The following KIF1A variants were observed in gnomAD, a reference collection of about 807,000 sequenced individuals.
The protein encoded by KIF1A is kinesin family member 1A.
KIF1A carries 46 observed loss-of-function variants against 227.3 expected under a neutral mutation model. The ratio of observed to expected loss-of-function variants is 0.20; its 90% CI spans 0.16 to 0.26. KIF1A has a LOEUF of 0.26. Among genes scored for constraint, KIF1A ranks in the 10% least tolerant of loss-of-function variants. The pLI is 1.00. For missense variants in KIF1A, 1,683 were observed against 2,485.9 expected (o/e 0.68, Z 6.87); for synonymous variants, 1,022 against 1,012.8 (o/e 1.01, Z -0.17).
chr2:240,739,679 G>A lies in KIF1A; in HGVS notation c.3901+379C>T, dbSNP rs956035390. On this transcript the variant is annotated intron_variant, in intron 37 of 48. Transcript: ENST00000498729. This position sits in a 1 kb window ranked among gnomAD's most constrained non-coding sequence, Gnocchi z 5.6. ...TGGCCACCACCAGGAGCTGGAAGAG[G>A]CAGGGAGGGATTTTCCCCAACAGGT... 2.0e-5 allele frequency among the ~76,000 whole-genome samples: 3 copies of A among 152,196 alleles called. No homozygotes were observed. The highest frequency in any genetic ancestry group is 7.2e-5 in the African/African-American group (3 of 41,444).
chr2:240,807,112 G>A (rs112846028), intron 1 of KIF1A, among the ~76,000 whole-genome samples: 54,848 of 138,844 alleles, frequency 0.4, 11,542 homozygotes, highest in African/African-American at 0.56. Context: ...GTGTGTGTGT[G>A]TGTGTGTGTG....
At chr2:240,802,601 C>A (rs1052560724) in intron 1 of KIF1A, among the ~76,000 whole-genome samples, 4 of 152,234 alleles carry the variant, frequency 2.6e-5, no homozygotes, top group African/African-American at 9.6e-5. Flanking sequence ...TTCTATCAGC[C>A]ACTGAGGAGG....
At chr2:240,723,686 G>T in intron 41 of KIF1A, 128 bp from the exon 42 acceptor site, 1 of 1,142,422 alleles carries the variant, frequency 8.8e-7, no homozygotes, top group Non-Finnish European at 1.2e-6. Flanking sequence ...CCTGGTCCTT[G>T]GTCCACCCTG....
intron 10 of KIF1A, among the ~76,000 whole-genome samples, chr2:240,776,861 T>A (rs1226551748): frequency 6.6e-6 from 1 of 152,192 alleles, no homozygotes; most frequent in Non-Finnish European, 1.5e-5. Context: ...ACAAGGCACA[T>A]AAAATTTGAA....
chr2:240,783,347 T>A (rs529372969), intron 8 of KIF1A, among the ~76,000 whole-genome samples: 195 of 152,198 alleles, frequency 1.3e-3, no homozygotes, highest in African/African-American at 4.3e-3. Context: ...TCATCCCATG[T>A]CCCCCTGAAA....
chr2:240,756,727 C>T (rs1394606438), intron 27 of KIF1A, among the ~76,000 whole-genome samples: 1 of 152,202 alleles, frequency 6.6e-6, no homozygotes, highest in Non-Finnish European at 1.5e-5. Flanking sequence ...TAAAAGTGGC[C>T]TCAGGATGGC....
At chr2:240,722,347 C>T in intron 43 of KIF1A, 109 bp downstream of exon 43, 1 of 1,063,208 alleles carries the variant, frequency 9.4e-7, no homozygotes, top group South Asian at 1.5e-5. Context: ...CCTGGTGGTG[C>T]TAACCAGAGC....
chr2:240,807,078 ATGTGTGTGTGTG>A (rs67918205), intron 1 of KIF1A, among the ~76,000 whole-genome samples: 56 of 95,240 alleles, frequency 5.9e-4, no homozygotes, highest in South Asian at 2.8e-3. Flanking sequence ...CCTCATATAT[ATGTGTGTGTGTG>A]TGTGTGTGTG....
chr2:240,766,784 CA>C lies in KIF1A; in HGVS notation c.1684+130del. On this transcript the variant is annotated intron_variant, in intron 19 of 48. Coordinates refer to ENST00000498729, the MANE Select transcript of KIF1A (RefSeq NM_001244008.2). The surrounding 1 kb of genome is among the most constrained non-coding windows in gnomAD (Gnocchi z 5.0). ...ACACACACACACACACACACACACACACGTCCTGCCTAGAAGTATGACTCGC... is the reference window on the plus strand; with the variant it reads ...ACACACACACACACACACACACACACCGTCCTGCCTAGAAGTATGACTCGC... The C allele has an allele frequency of 1.6e-6, 1 of 631,366 alleles. No homozygotes were observed. The highest frequency in any genetic ancestry group is 2.9e-6 in the Non-Finnish European group (1 of 346,908). 39.1% of individuals were successfully genotyped at this position (631,366 alleles called of 1,614,324 possible). A position where few individuals can be genotyped will look rare whatever the true frequency, so the allele number is the denominator to read the frequency against.
chr2:240,757,365 G>A lies in KIF1A; in HGVS notation c.2812C>T (p.Arg938Trp), dbSNP rs375371570. Residue 938 changes from arginine (R) to tryptophan (W), a missense_variant, in exon 27 of 49, where the codon CGG (arginine) becomes TGG (tryptophan). Transcript: ENST00000498729. This position sits in a 1 kb window ranked among gnomAD's most constrained non-coding sequence, Gnocchi z 6.2. ...GGGGGCCGGTCGTAAAACGGGTCCC[G>A]GCCGTCGCACAGCGCGTGCTCCGGA... is the stretch of plus-strand genomic sequence containing the variant. Reference protein sequence around the residue: ...VFPEHALCDGRDPFYDRPPLF... With the variant: ...VFPEHALCDGWDPFYDRPPLF... The A allele has an allele frequency of 1.3e-5, 20 of 1,550,524 alleles. No individual in the cohort carries two copies. The highest frequency in any genetic ancestry group is 1.2e-4 in the African/African-American group (9 of 73,030).
intron 38 of KIF1A, among the ~76,000 whole-genome samples, chr2:240,727,757 C>A (rs1194388609): frequency 6.6e-6 from 1 of 152,196 alleles, no homozygotes; most frequent in East Asian, 1.9e-4. Flanking sequence ...TTTACATCCC[C>A]ATGGGGTCGA....
intron 37 of KIF1A, 60 bp from the exon 38 acceptor site, chr2:240,737,228 G>C: frequency 7.3e-7 from 1 of 1,365,534 alleles, no homozygotes; most frequent in Non-Finnish European, 1.0e-6. Flanking sequence ...ACCCTGGGGG[G>C]CTGCCTCAGG....
rs941976120 is a variant in KIF1A, at chr2:240,788,881, G to A, written c.183+355C>T. Among the ~76,000 whole-genome samples, 2 of 152,146 alleles carry A rather than the reference G, an allele frequency of 1.3e-5. No individual in the cohort carries two copies. The highest frequency in any genetic ancestry group is 4.8e-5 in the African/African-American group (2 of 41,426). ...TGGATCGGGGAGGAGGGAAGGAGAA[G>A]AGTCCAGGGGTCTCCTGGGCTCCCA... On this transcript the variant is annotated intron_variant, in intron 3 of 48. Coordinates refer to ENST00000498729, the MANE Select transcript of KIF1A (RefSeq NM_001244008.2). The surrounding 1 kb of genome is among the most constrained non-coding windows in gnomAD (Gnocchi z 6.6).
chr2:240,819,391 C>A (rs1395969330), intron 1 of KIF1A, among the ~76,000 whole-genome samples: 3 of 152,148 alleles, frequency 2.0e-5, no homozygotes, highest in Admixed American at 6.5e-5. Context: ...CAGTGCTCGC[C>A]GGCGGCCCCT....
intron 11 of KIF1A, among the ~76,000 whole-genome samples, chr2:240,774,541 C>A (rs1441633613): frequency 1.3e-5 from 2 of 152,012 alleles, no homozygotes; most frequent in African/African-American, 4.8e-5. Flanking sequence ...AACCATCAGG[C>A]CTTCCTTTCC....
At position 240,765,749 on chromosome 2, in the gene KIF1A, T is replaced by C; in HGVS notation, c.1729A>G (p.Asn577Asp). The change falls in exon 20 of 49, where the codon AAT becomes GAT. Residue 577 changes from asparagine to aspartate, a missense_variant. Coordinates refer to ENST00000498729, the MANE Select transcript of KIF1A (RefSeq NM_001244008.2). ...CTGGGCTCTGTGACTTTCTTGCCAT[T>C]GACGTAGGTGTCTGCCCCCTCACAG... ...EPCEGADTYV[N>D]GKKVTEPSIL... The C allele has an allele frequency of 6.2e-7, 1 of 1,613,670 alleles. No individual in the cohort carries two copies. The highest frequency in any genetic ancestry group is 8.5e-7 in the Non-Finnish European group (1 of 1,179,828).
intron 28 of KIF1A, 92 bp from the exon 29 acceptor site, chr2:240,747,413 T>G: frequency 2.1e-6 from 2 of 937,428 alleles, no homozygotes; most frequent in Non-Finnish European, 3.3e-6. Flanking sequence ...GCAGTCAAAG[T>G]GAGGGCACAG....
chr2:240,723,317 G>C, intron 42 of KIF1A, 96 bp downstream of exon 42: 1 of 1,253,860 alleles, frequency 8.0e-7, no homozygotes, highest in Non-Finnish European at 1.1e-6. Flanking sequence ...CTGCCCCCCA[G>C]TAGGCACCAG....
At position 240,740,452 on chromosome 2, in the gene KIF1A, CAG is replaced by C. The variant is rs1313279655; in HGVS notation, c.3750-90_3750-89del. Reference sequence around the variant, plus strand: ...AGGACACAGTGGACGGGAGCAAAAACAGGGAAAAGTCAGCAGCTCCCTCTGGT... The same window carrying C: ...AGGACACAGTGGACGGGAGCAAAAACGGAAAAGTCAGCAGCTCCCTCTGGT... On this transcript the variant is annotated intron_variant, in intron 35 of 48. Coordinates refer to ENST00000498729, the MANE Select transcript of KIF1A (RefSeq NM_001244008.2). The surrounding 1 kb of genome is among the most constrained non-coding windows in gnomAD (Gnocchi z 6.1). 8.9e-7 allele frequency: 1 copy of C among 1,122,452 alleles called. No homozygotes were observed. Among genetic ancestry groups the C allele is most frequent in the East Asian group, 2.4e-5 (1 of 42,096 alleles). 69.5% of individuals were successfully genotyped at this position (1,122,452 alleles called of 1,614,324 possible).
Sources: gnomAD v4.1 joint callset for allele counts (sites outside exome capture counted in the v4.1 genomes callset) on GRCh38, gnomAD v4.1.1 for gene constraint, Gnocchi (gnomAD v3.1) non-coding constraint, MANE v1.5 for transcripts, NCBI Gene and HGNC (gene_info 2026-07-23, HGNC 2026-07-21) for gene names.